Variants in PATJ observed in about 807,000 individuals in gnomAD.
PATJ encodes PATJ crumbs cell polarity complex component.
A neutral mutation model predicts 224.9 loss-of-function variants in PATJ; 190 were observed. That is an observed-to-expected ratio of 0.84 (90% CI 0.75 to 0.95). The LOEUF is 0.95. Among genes scored for constraint, PATJ ranks in the 40% least tolerant of loss-of-function variants. The pLI is 0.00. For missense variants in PATJ, 2,121 were observed against 2,270.3 expected (o/e 0.93, Z 1.34); for synonymous variants, 769 against 820.3 (o/e 0.94, Z 1.07).
chr1:61,996,151 TGAAAAATCAAAAGCATGAATGTGTCC>T (rs1645341075), intron 28 of PATJ, among the ~76,000 whole-genome samples: 1 of 152,218 alleles, frequency 6.6e-6, no homozygotes, highest in African/African-American at 2.4e-5. Context: ...TTAAGAATCA[TGAAAAATCAAAAGCATGAATGTGTCC>T]CATATTTTTC....
chr1:61,775,417 A>T lies in PATJ; in HGVS notation c.849+83A>T. 2.5e-6 allele frequency: 3 copies of T among 1,202,140 alleles called. No individual in the cohort carries two copies. The East Asian group carries it at 7.2e-5, about 29-fold the overall frequency. 74.5% of individuals were successfully genotyped at this position (1,202,140 alleles called of 1,614,324 possible). ...GAAATGTAATTTTATAACATGAGTTACCAGGATATATGACTTAATAACAAG... is the reference window on the plus strand; with the variant it reads ...GAAATGTAATTTTATAACATGAGTTTCCAGGATATATGACTTAATAACAAG... On this transcript the variant is annotated intron_variant, in intron 7 of 43. Coordinates refer to ENST00000642238, the MANE Select transcript of PATJ (RefSeq NM_001350145.3).
At position 62,086,729 on chromosome 1, in the gene PATJ, CAGG is replaced by C. The variant is rs1348761535; in HGVS notation, c.4377+2084_4377+2086del. Among the ~76,000 whole-genome samples the C allele has an allele frequency of 1.3e-5, 2 of 152,152 alleles. No individual in the cohort carries two copies. Among genetic ancestry groups the C allele is most frequent in the Non-Finnish European group, 2.9e-5 (2 of 68,028 alleles). ...GATAGAAACCAGGGTCTTGATGATGCAGGAGTTTTCTCTTGACCCCTTCATCAG... is the reference window on the plus strand; with the variant it reads ...GATAGAAACCAGGGTCTTGATGATGCAGTTTTCTCTTGACCCCTTCATCAG... On this transcript the variant is annotated intron_variant, in intron 33 of 43. Transcript: ENST00000642238. This position sits in a 1 kb window ranked among gnomAD's most constrained non-coding sequence, Gnocchi z 4.0.
intron 33 of PATJ, among the ~76,000 whole-genome samples, chr1:62,104,917 C>T (rs1313820130): frequency 1.3e-5 from 2 of 152,072 alleles, no homozygotes; most frequent in Non-Finnish European, 2.9e-5. Context: ...GGTGATCCAC[C>T]CACCTCAAGT....
intron 8 of PATJ, among the ~76,000 whole-genome samples, chr1:61,789,837 T>G (rs949219109): frequency 2.0e-5 from 3 of 151,988 alleles, no homozygotes; most frequent in African/African-American, 7.2e-5. Flanking sequence ...TTCTCCAAAT[T>G]GTGGTTACAT....
intron 30 of PATJ, among the ~76,000 whole-genome samples, chr1:62,044,484 TAAG>T (rs1240123936): frequency 2.0e-5 from 3 of 152,224 alleles, no homozygotes; most frequent in Non-Finnish European, 2.9e-5. Flanking sequence ...GAAACCCAAT[TAAG>T]AAGCCATTGC....
rs897687727 is a variant in PATJ at position 61,972,004 on chromosome 1, A to AT, written c.3671-18163dup. 1.1e-4 allele frequency among the ~76,000 whole-genome samples: 16 copies of AT among 152,054 alleles called. 1 individual carries two copies. Among genetic ancestry groups the AT allele is most frequent in the African/African-American group, 3.4e-4 (14 of 41,370 alleles). On this transcript the variant is annotated intron_variant, in intron 27 of 43. Coordinates refer to ENST00000642238, the MANE Select transcript of PATJ (RefSeq NM_001350145.3). ...ACCTTATCTCAAAATAAATAAATAA[A>AT]TAAGTCTGAGCAAAAATAATTATGT...
intron 26 of PATJ, among the ~76,000 whole-genome samples, chr1:61,919,330 G>T (rs145732513): frequency 6.1e-5 from 9 of 147,090 alleles, no homozygotes; most frequent in Admixed American, 2.7e-4. Context: ...TTTTTTTTTG[G>T]AGACACAGCC....
At chr1:61,786,226 T>C (rs1429543786) in intron 7 of PATJ, among the ~76,000 whole-genome samples, 1 of 152,176 alleles carries the variant, frequency 6.6e-6, no homozygotes, top group East Asian at 1.9e-4. Context: ...TTCTCCATGT[T>C]GGCCAGGCTG....
At chr1:61,861,286 T>TTC (rs1435742125) in intron 18 of PATJ, among the ~76,000 whole-genome samples, 5 of 91,948 alleles carry the variant, frequency 5.4e-5, no homozygotes, top group African/African-American at 2.5e-4. Context: ...CTTTCTTTCT[T>TTC]TTTTTTTTTT....
In PATJ at chr1:61,927,695, G is replaced by A. The variant is rs202125094; in HGVS notation, c.3571-35G>A. The A allele has an allele frequency of 2.2e-5, 28 of 1,286,252 alleles. No individual in the cohort carries two copies. The East Asian group carries it at 5.6e-4, about 26-fold the overall frequency. The allele number at this position is 1,286,252 out of a possible 1,614,324, so 79.7% of individuals were successfully genotyped here. On this transcript the variant is annotated intron_variant, in intron 26 of 43. Transcript: ENST00000642238. ...TTGAAGAAAGAGCATTGTACAAGAA[G>A]CATTTAACCCTTCTCTCAAATTTTG...
intron 27 of PATJ, among the ~76,000 whole-genome samples, chr1:61,961,828 G>A (rs1681328460): frequency 6.6e-6 from 1 of 152,018 alleles, no homozygotes; most frequent in Non-Finnish European, 1.5e-5. Flanking sequence ...AATTAGCTGG[G>A]CGTGGTGGTG....
At chr1:61,852,998 C>T (rs1276511271) in intron 17 of PATJ, among the ~76,000 whole-genome samples, 1 of 152,114 alleles carries the variant, frequency 6.6e-6, no homozygotes, top group African/African-American at 2.4e-5. Context: ...CTAGTTTGTC[C>T]CCTCCCTGCC....
Position 62,148,264 on chromosome 1 carries a change from T to G in PATJ, c.5272-20T>G. On this transcript the variant is annotated intron_variant, in intron 41 of 43. Transcript: ENST00000642238. The stretch of plus-strand genomic sequence containing the variant: ...TCCCCTTCTTTATAATGAAATACCT[T>G]TTTTTCACTTTTTCCCCAGGTTGTA... 1.3e-6 allele frequency: 2 copies of G among 1,567,574 alleles called. No homozygotes were observed. Among genetic ancestry groups the G allele is most frequent in the Non-Finnish European group, 1.8e-6 (2 of 1,137,606 alleles).
Position 61,763,110 on chromosome 1 carries a change from G to A in PATJ, c.120G>A (p.Glu40=). 1 of 1,610,500 alleles carries A rather than the reference G, an allele frequency of 6.2e-7. No homozygotes were observed. The highest frequency in any genetic ancestry group is 8.5e-7 in the Non-Finnish European group (1 of 1,177,748). Residue 40 remains glutamate, a synonymous_variant, in exon 3 of 44, where the codon GAG becomes GAA. Coordinates refer to ENST00000642238, the MANE Select transcript of PATJ (RefSeq NM_001350145.3). ...SQNEKLSMFY[E]TLKSPLFNQI... ...ATGAGAAGTTATCTATGTTTTATGA[G>A]ACACTAAAGAGTCCTCTCTTCAACC... is the stretch of plus-strand genomic sequence containing the variant.
At chr1:62,077,781 C>A (rs1386722387) in intron 31 of PATJ, among the ~76,000 whole-genome samples, 1 of 151,890 alleles carries the variant, frequency 6.6e-6, no homozygotes, top group Non-Finnish European at 1.5e-5. Flanking sequence ...TTGATAAACA[C>A]TTTAAGCTTG....
At chr1:62,102,072 A>T (rs1325442082) in intron 33 of PATJ, among the ~76,000 whole-genome samples, 1 of 152,170 alleles carries the variant, frequency 6.6e-6, no homozygotes, top group Non-Finnish European at 1.5e-5. Flanking sequence ...CTAACTACTC[A>T]GGAGGCTGAG....
At chr1:61,921,926 T>A (rs2482863) in intron 26 of PATJ, among the ~76,000 whole-genome samples, 1 of 152,146 alleles carries the variant, frequency 6.6e-6, no homozygotes, top group African/African-American at 2.4e-5. Context: ...TCAATTATAC[T>A]TCAATATATT....
intron 29 of PATJ, among the ~76,000 whole-genome samples, chr1:62,032,289 A>G (rs1226278269): frequency 6.6e-6 from 1 of 152,212 alleles, no homozygotes; most frequent in Non-Finnish European, 1.5e-5. Flanking sequence ...TGAAGCAAAC[A>G]ATGGTGCTTC....
At chr1:62,137,011 G>C (rs1229969746) in intron 41 of PATJ, among the ~76,000 whole-genome samples, 1 of 152,006 alleles carries the variant, frequency 6.6e-6, no homozygotes, top group African/African-American at 2.4e-5. Context: ...TTCTTATCTG[G>C]AAATTATTTT....
Sources: allele counts gnomAD v4.1 joint callset (sites outside exome capture counted in the v4.1 genomes callset), GRCh38; gene constraint gnomAD v4.1.1; non-coding constraint Gnocchi (gnomAD v3.1); transcripts MANE v1.5; gene names NCBI Gene and HGNC (gene_info 2026-07-23, HGNC 2026-07-21).